The following OPCML variants were observed in gnomAD, a reference collection of about 807,000 sequenced individuals.
OPCML encodes opioid-binding protein/cell adhesion molecule.
A neutral mutation model predicts 37.8 loss-of-function variants in OPCML; 13 were observed. The observed-to-expected ratio is 0.34, with a 90% CI of 0.22 to 0.55. OPCML has a LOEUF of 0.55. OPCML is among the 20% of genes least tolerant of loss of function. The probability of loss-of-function intolerance (pLI) is 0.91; values close to 1 mark genes in which losing one functional copy is unlikely to be tolerated. For missense variants in OPCML, 341 were observed against 435.6 expected (o/e 0.78, Z 1.93); for synonymous variants, 176 against 168.8 (o/e 1.04, Z -0.33).
intron 4 of OPCML, among the ~76,000 whole-genome samples, chr11:132,493,104 C>T (rs2096221166): frequency 6.6e-6 from 1 of 152,172 alleles, no homozygotes; most frequent in Admixed American, 6.5e-5. Flanking sequence ...TATTTCATGT[C>T]CGTCTTTTTC....
At chr11:132,439,711 TTC>T (rs1491161467) in intron 4 of OPCML, among the ~76,000 whole-genome samples, 32 of 146,672 alleles carry the variant, frequency 2.2e-4, no homozygotes, top group Middle Eastern at 6.9e-3. Flanking sequence ...TTTTTTTTTT[TTC>T]CTGAAAGAAA....
intron 1 of OPCML, among the ~76,000 whole-genome samples, chr11:133,230,201 A>G (rs981768239): frequency 1.4e-4 from 21 of 152,188 alleles, no homozygotes; most frequent in African/African-American, 4.6e-4. Flanking sequence ...ACATTTTCGC[A>G]TTTGTGTGGA....
intron 1 of OPCML, among the ~76,000 whole-genome samples, chr11:133,531,691 G>A (rs1948606880): frequency 6.6e-6 from 1 of 151,634 alleles, no homozygotes. Context: ...GAGGGTAGGG[G>A]AGAGCAGTTC....
intron 1 of OPCML, among the ~76,000 whole-genome samples, chr11:132,951,053 G>A (rs888244952): frequency 1.3e-5 from 2 of 152,144 alleles, no homozygotes; most frequent in Non-Finnish European, 2.9e-5. Flanking sequence ...GGGAAGACTG[G>A]AGCAAACACA....
At chr11:132,421,821 C>A (rs2136654690) in intron 7 of OPCML, among the ~76,000 whole-genome samples, 1 of 152,262 alleles carries the variant, frequency 6.6e-6, no homozygotes, top group Non-Finnish European at 1.5e-5. Flanking sequence ...AGTCCTGGCA[C>A]ACATCCTGAG....
intron 4 of OPCML, among the ~76,000 whole-genome samples, chr11:132,494,251 C>A (rs1410513867): frequency 1.3e-5 from 2 of 152,194 alleles, no homozygotes; most frequent in Non-Finnish European, 2.9e-5. Context: ...GTGAATCATG[C>A]ATATGCCTCA....
chr11:132,508,056 C>T (rs1272909200), intron 4 of OPCML, among the ~76,000 whole-genome samples: 3 of 152,106 alleles, frequency 2.0e-5, no homozygotes, highest in Non-Finnish European at 4.4e-5. Flanking sequence ...CTGAAACCAT[C>T]ATCATACCTA....
intron 1 of OPCML, among the ~76,000 whole-genome samples, chr11:133,513,082 G>A (rs1183081292): frequency 6.6e-6 from 1 of 152,026 alleles, no homozygotes; most frequent in Non-Finnish European, 1.5e-5. Flanking sequence ...TAAACCTAGA[G>A]GTAGCAATTC....
chr11:132,743,129 G>A (rs529521292), intron 2 of OPCML, among the ~76,000 whole-genome samples: 9 of 152,250 alleles, frequency 5.9e-5, no homozygotes, highest in African/African-American at 1.4e-4. Context: ...CGTCATGCTC[G>A]TGAATGGACT....
At position 132,760,120 on chromosome 11, in the gene OPCML, C is replaced by T. The variant is rs191086112; in HGVS notation, c.147-102801G>A. ...TAGTTGTGCAGTTTTGAGTGAGTTT[C>T]TTAATCCTGAGTTCTAATTTGATTG... On this transcript the variant is annotated intron_variant, in intron 2 of 7. Transcript: ENST00000524381. Among the ~76,000 whole-genome samples, 588 of 152,252 alleles carry T rather than the reference C, an allele frequency of 3.9e-3. 1 individual carries two copies. The highest frequency in any genetic ancestry group is 8.5e-3 in the South Asian group (41 of 4,822).
At chr11:132,837,220 A>C (rs1193467881) in intron 2 of OPCML, among the ~76,000 whole-genome samples, 1 of 152,192 alleles carries the variant, frequency 6.6e-6, no homozygotes, top group Non-Finnish European at 1.5e-5. Flanking sequence ...AGGCTGAGGC[A>C]GGAGAATCTC....
intron 1 of OPCML, among the ~76,000 whole-genome samples, chr11:133,276,593 T>C (rs1942001657): frequency 6.6e-6 from 1 of 152,242 alleles, no homozygotes; most frequent in Non-Finnish European, 1.5e-5. Flanking sequence ...TTGGCAGCTC[T>C]GACATGCTGT....
chr11:133,264,730 G>A (rs1364305163), intron 1 of OPCML, among the ~76,000 whole-genome samples: 1 of 150,836 alleles, frequency 6.6e-6, no homozygotes, highest in East Asian at 2.0e-4. Context: ...TAATTCACAG[G>A]GCTTTCAACA....
intron 2 of OPCML, among the ~76,000 whole-genome samples, chr11:132,678,261 G>A (rs1184448351): frequency 3.3e-5 from 5 of 152,196 alleles, no homozygotes; most frequent in South Asian, 2.1e-4. Context: ...TGACAAGGAT[G>A]TGGAGCAACA....
At chr11:133,364,920 G>A (rs1031903880) in intron 1 of OPCML, among the ~76,000 whole-genome samples, 8 of 152,042 alleles carry the variant, frequency 5.3e-5, no homozygotes, top group African/African-American at 1.9e-4. Context: ...GACTGATGCT[G>A]TCACTCCAAC....
chr11:133,430,880 T>C (rs77667366), intron 1 of OPCML, among the ~76,000 whole-genome samples: 5,402 of 152,346 alleles, frequency 0.035, 137 homozygotes, highest in Non-Finnish European at 0.053. Flanking sequence ...ATACTCAATA[T>C]TGGCAAAGTT....
At chr11:132,631,091 A>G (rs1940073518) in intron 3 of OPCML, among the ~76,000 whole-genome samples, 2 of 152,214 alleles carry the variant, frequency 1.3e-5, no homozygotes, top group South Asian at 4.1e-4. Context: ...GGTGATAGAT[A>G]TCAAAAGAGT....
chr11:133,070,418 T>A (rs557291638), intron 1 of OPCML, among the ~76,000 whole-genome samples: 2 of 152,156 alleles, frequency 1.3e-5, no homozygotes. Flanking sequence ...CCATTTAGGC[T>A]CAAGATTTCA....
intron 2 of OPCML, among the ~76,000 whole-genome samples, chr11:132,851,240 A>G (rs1440944447): frequency 6.6e-6 from 1 of 152,186 alleles, no homozygotes; most frequent in South Asian, 2.1e-4. Context: ...TAGTTGTTAG[A>G]CTCACTGCTA....
Sources: gnomAD v4.1 joint callset for allele counts (sites outside exome capture counted in the v4.1 genomes callset) on GRCh38, gnomAD v4.1.1 for gene constraint, MANE v1.5 for transcripts, NCBI Gene and HGNC (gene_info 2026-07-23, HGNC 2026-07-21) for gene names.